Variants in NSD1 observed in about 807,000 individuals in gnomAD.
NSD1 encodes nuclear receptor binding SET domain protein 1.
A neutral mutation model predicts 242.7 loss-of-function variants in NSD1; 26 were observed. The observed-to-expected ratio is 0.11, with a 90% confidence interval of 0.08 to 0.15. The LOEUF (loss-of-function observed/expected upper bound fraction) is 0.15. Ranked by LOEUF, NSD1 falls within the 10% of genes least tolerant of loss-of-function variation. The pLI, the probability that NSD1 is intolerant of heterozygous loss-of-function variation, is 1.00. For synonymous variants in NSD1, 1,106 were observed against 1,178.1 expected (o/e 0.94, Z 1.25); for missense variants, 2,495 against 3,272.8 (o/e 0.76, Z 5.80).
intron 5 of NSD1, among the ~76,000 whole-genome samples, chr5:177,214,300 A>G (rs1763596370): frequency 6.6e-6 from 1 of 152,146 alleles, no homozygotes; most frequent in Admixed American, 6.6e-5. Context: ...GTGAGCTGAG[A>G]TTGCGCCACT....
intron 2 of NSD1, among the ~76,000 whole-genome samples, chr5:177,155,878 G>A (rs1431540388): frequency 6.7e-6 from 1 of 149,684 alleles, no homozygotes. Flanking sequence ...GTAATTTTTT[G>A]TAATTTTGGT....
At chr5:177,266,073 G>T (rs933359909) in intron 14 of NSD1, 4 of 1,113,362 alleles carry the variant, frequency 3.6e-6, no homozygotes, top group Non-Finnish European at 5.5e-6. Context: ...TCTTTGTACT[G>T]CCGGTCCTCG....
chr5:177,232,168 A>G (rs1295635758), intron 5 of NSD1, among the ~76,000 whole-genome samples: 3 of 152,070 alleles, frequency 2.0e-5, no homozygotes, highest in South Asian at 4.1e-4. Context: ...CATGCCTTTT[A>G]TGTTTTTTGA....
chr5:177,136,262 A>G (rs1756321374), intron 2 of NSD1: 1 of 465,476 alleles, frequency 2.1e-6, no homozygotes, highest in Non-Finnish European at 3.9e-6. Context: ...AGAGTAGGCT[A>G]ATGCTTTTAA....
At position 177,225,357 on chromosome 5, in the gene NSD1, G is replaced by T. The variant is rs541206385; in HGVS notation, c.3797-10464G>T. On this transcript the variant is annotated intron_variant, in intron 5 of 22. Coordinates refer to ENST00000439151, the MANE Select transcript of NSD1 (RefSeq NM_022455.5). ...GGGGTTTCACCATATTGGCCAGGCT[G>T]GTCTTGAACTCCTGATCTCAAGTAA... 3.3e-5 allele frequency among the ~76,000 whole-genome samples: 5 copies of T among 152,212 alleles called. No individual in the cohort carries two copies. In the South Asian group the frequency reaches 1.0e-3, roughly 32 times the overall value.
intron 21 of NSD1, among the ~76,000 whole-genome samples, chr5:177,291,601 C>T (rs978024354): frequency 1.3e-5 from 2 of 152,084 alleles, no homozygotes; most frequent in Non-Finnish European, 2.9e-5. Flanking sequence ...TGCAGTGAGC[C>T]GAGATCGCGC....
At chr5:177,193,081 A>G (rs990237015) in intron 3 of NSD1, among the ~76,000 whole-genome samples, 1 of 152,032 alleles carries the variant, frequency 6.6e-6, no homozygotes, top group African/African-American at 2.4e-5. Flanking sequence ...GTTGTGTTTG[A>G]ATCTTAGGTA....
At position 177,211,037 on chromosome 5, in the gene NSD1, G is replaced by A; in HGVS notation, c.2638G>A (p.Gly880Arg). The A allele has an allele frequency of 1.2e-6, 2 of 1,614,186 alleles. No individual in the cohort carries two copies. The highest frequency in any genetic ancestry group is 1.7e-6 in the Non-Finnish European group (2 of 1,180,034). Reference sequence around the variant, plus strand: ...CTTAGGTGAGGATGTCAGTGACTCTGGAACATCAAAGCCATCAAAACCATT... The same window carrying A: ...CTTAGGTGAGGATGTCAGTGACTCTAGAACATCAAAGCCATCAAAACCATT... ...RSLGEDVSDS[G>R]TSKPSKPLLF... The change falls in exon 5 of 23, where the codon GGA becomes AGA. Residue 880 changes from glycine to arginine, a missense_variant. This residue lies in a region of NSD1 where 121 missense variants were observed against 167.2 expected (regional missense o/e 0.72). Transcript: ENST00000439151.
intron 2 of NSD1, among the ~76,000 whole-genome samples, chr5:177,156,282 G>T (rs1020359291): frequency 6.9e-6 from 1 of 145,286 alleles, no homozygotes; most frequent in Non-Finnish European, 1.5e-5. Flanking sequence ...CTGGGTTGAA[G>T]TGATTCTCTT....
chr5:177,207,237 T>TG (rs1762948113), intron 4 of NSD1, among the ~76,000 whole-genome samples: 2 of 145,480 alleles, frequency 1.4e-5, no homozygotes, highest in East Asian at 4.4e-4. Context: ...CGTGAGCCAC[T>TG]GTGCCCGGCC....
chr5:177,193,031 G>T (rs1008173532), intron 3 of NSD1, among the ~76,000 whole-genome samples: 2 of 152,058 alleles, frequency 1.3e-5, no homozygotes, highest in African/African-American at 4.8e-5. Flanking sequence ...TTAATTTGGA[G>T]TATTTCCTTT....
intron 19 of NSD1, among the ~76,000 whole-genome samples, chr5:177,283,114 C>T (rs926186159): frequency 9.9e-5 from 15 of 152,134 alleles, no homozygotes; most frequent in Admixed American, 3.9e-4. Context: ...CCACCACGCC[C>T]GGCTAATTTT....
At position 177,204,106 on chromosome 5, in the gene NSD1, T is replaced by G; in HGVS notation, c.1064-14T>G. 6.2e-7 allele frequency: 1 copy of G among 1,613,184 alleles called. No individual in the cohort carries two copies. The highest frequency in any genetic ancestry group is 8.5e-7 in the Non-Finnish European group (1 of 1,179,216). On this transcript the variant is annotated splice_polypyrimidine_tract_variant and intron_variant, in intron 3 of 22. Coordinates refer to ENST00000439151, the MANE Select transcript of NSD1 (RefSeq NM_022455.5). ...CTTTGATCTAATGATTCTGGTTCTC[T>G]TACCCTTACCTAGTTTCCAACCGGA...
chr5:177,244,177 G>A lies in NSD1; in HGVS notation c.4303-18G>A. Reference sequence around the variant, plus strand: ...TTTTCATTCCTCTGTAAATGGTGTTGTTTTCACTTATTTATAGTGCTATGA... The same window carrying A: ...TTTTCATTCCTCTGTAAATGGTGTTATTTTCACTTATTTATAGTGCTATGA... On this transcript the variant is annotated intron_variant, in intron 8 of 22. Coordinates refer to ENST00000439151, the MANE Select transcript of NSD1 (RefSeq NM_022455.5). 2 of 1,581,144 alleles carry A rather than the reference G, an allele frequency of 1.3e-6. No individual in the cohort carries two copies. The highest frequency in any genetic ancestry group is 1.7e-6 in the Non-Finnish European group (2 of 1,150,924).
Position 177,269,912 on chromosome 5 carries a change from CCT to C in NSD1, c.5509+109_5509+110del, listed in dbSNP as rs1757817636. 1 of 934,220 alleles carries C rather than the reference CCT, an allele frequency of 1.1e-6. No individual in the cohort carries two copies. 57.9% of individuals were successfully genotyped at this position (934,220 alleles called of 1,614,324 possible). Reference sequence around the variant, plus strand: ...TGCTCCATTTTGAAACTGCCTTTGTCCTCTCAGGGCATTATCTGGCTGCAAAT... The same window carrying C: ...TGCTCCATTTTGAAACTGCCTTTGTCCTCAGGGCATTATCTGGCTGCAAAT... On this transcript the variant is annotated intron_variant, in intron 16 of 22. Transcript: ENST00000439151. The surrounding 1 kb of genome is among the most constrained non-coding windows in gnomAD (Gnocchi z 5.1).
At chr5:177,264,858 G>A in intron 14 of NSD1, 2 of 762,982 alleles carry the variant, frequency 2.6e-6, no homozygotes, top group Admixed American at 3.4e-5. Context: ...CCGCATATAT[G>A]CGAATCTATA....
intron 3 of NSD1, among the ~76,000 whole-genome samples, chr5:177,193,702 CTGCTT>C (rs1761880163): frequency 6.6e-6 from 1 of 152,190 alleles, no homozygotes; most frequent in African/African-American, 2.4e-5. Flanking sequence ...AGCTTACTCT[CTGCTT>C]TGCTGTGATC....
At chr5:177,162,771 A>T (rs1758863290) in intron 2 of NSD1, among the ~76,000 whole-genome samples, 2 of 152,064 alleles carry the variant, frequency 1.3e-5, no homozygotes, top group Non-Finnish European at 2.9e-5. Flanking sequence ...TCCTGGGCTC[A>T]AGCAGTCCTC....
intron 2 of NSD1, among the ~76,000 whole-genome samples, chr5:177,188,411 G>T (rs997606178): frequency 1.3e-5 from 2 of 152,110 alleles, no homozygotes; most frequent in Admixed American, 6.6e-5. Flanking sequence ...TATTTTTCCA[G>T]TGGGTTTGCA....
Sources: gnomAD v4.1 joint callset for allele counts (sites outside exome capture counted in the v4.1 genomes callset) on GRCh38, gnomAD v4.1.1 for gene constraint, gnomAD v4.1.1 regional missense constraint, Gnocchi (gnomAD v3.1) non-coding constraint, MANE v1.5 for transcripts, NCBI Gene and HGNC (gene_info 2026-07-23, HGNC 2026-07-21) for gene names.